The following KIF1B variants were observed in gnomAD, a reference collection of about 807,000 sequenced individuals.
The protein encoded by KIF1B is kinesin-like protein KIF1B.
Under a neutral mutation model 241.9 loss-of-function variants are expected in KIF1B, and 76 were observed. That is an observed-to-expected ratio of 0.31 (90% CI 0.26 to 0.38). The LOEUF (loss-of-function observed/expected upper bound fraction) is 0.38, where lower values mean the gene tolerates loss of function less well. Among genes scored for constraint, KIF1B ranks in the 10% least tolerant of loss-of-function variants. The probability of loss-of-function intolerance (pLI) is 1.00; values close to 1 mark genes in which losing one functional copy is unlikely to be tolerated. For synonymous variants in KIF1B, 750 were observed against 796.7 expected, an observed-to-expected ratio of 0.94 and a Z score of 0.99; for missense variants, 1,622 against 2,271.4, an observed-to-expected ratio of 0.71 and a Z score of 5.81.
Position 10,374,344 on chromosome 1 carries a change from A to G in KIF1B, c.4975A>G (p.Ser1659Gly). The stretch of plus-strand genomic sequence containing the variant: ...CCCAGAAGCCAATTCCCGGGCCTCT[A>G]GTCCCTGCCCAGAATTTGAACAGTT... Reference protein sequence around the residue: ...KTPEANSRASSPCPEFEQFQI... With the variant: ...KTPEANSRASGPCPEFEQFQI... The change falls in exon 46 of 49, where the codon AGT (serine) becomes GGT (glycine). Residue 1659 changes from serine (S) to glycine (G), a missense_variant. Physicochemically the swap from Ser to Gly is moderately conservative, Grantham distance 56. Transcript: ENST00000676179. The surrounding 1 kb of genome is among the most constrained non-coding windows in gnomAD (Gnocchi z 4.3). 1 of 1,614,148 alleles carries G rather than the reference A, an allele frequency of 6.2e-7. No individual in the cohort carries two copies. The highest frequency in any genetic ancestry group is 8.5e-7 in the Non-Finnish European group (1 of 1,179,984).
intron 11 of KIF1B, 78 bp downstream of exon 11, chr1:10,275,581 T>A: frequency 1.1e-6 from 1 of 874,812 alleles, no homozygotes; most frequent in Non-Finnish European, 2.0e-6. Flanking sequence ...TGTGTCTGTT[T>A]TGGAGACAAA....
intron 2 of KIF1B, among the ~76,000 whole-genome samples, chr1:10,254,862 GGGAGACTC>G (rs1647678756): frequency 7.1e-6 from 1 of 141,388 alleles, no homozygotes; most frequent in South Asian, 2.3e-4. Context: ...GGGCGACAGA[GGGAGACTC>G]TGTCTCAAAA....
Position 10,361,714 on chromosome 1 carries a change from C to G in KIF1B, c.4193C>G (p.Ala1398Gly), listed in dbSNP as rs1638428294. 1 of 1,614,052 alleles carries G rather than the reference C, an allele frequency of 6.2e-7. No individual in the cohort carries two copies. The highest frequency in any genetic ancestry group is 8.5e-7 in the Non-Finnish European group (1 of 1,180,032). The change falls in exon 40 of 49, where the codon GCT (alanine) becomes GGT (glycine). Residue 1398 changes from alanine (A) to glycine (G), a missense_variant. Coordinates refer to ENST00000676179, the MANE Select transcript of KIF1B (RefSeq NM_001365951.3). ...CAGCTGGATCATTGCATCCAGCCGG[C>G]TGTCATCACCAAGGATGTGTGCATG... ...YLELDHCIQP[A>G]VITKDVCMVF...
chr1:10,319,341 A>G (rs1651431687), intron 22 of KIF1B, among the ~76,000 whole-genome samples: 1 of 152,138 alleles, frequency 6.6e-6, no homozygotes, highest in Non-Finnish European at 1.5e-5. Context: ...ACCTCAGGTG[A>G]TCACCCACCT....
chr1:10,286,612 C>T (rs1375752282), intron 15 of KIF1B, among the ~76,000 whole-genome samples: 1 of 152,198 alleles, frequency 6.6e-6, no homozygotes, highest in East Asian at 1.9e-4. Context: ...AAGTGTTTTT[C>T]ATGGAAATAT....
intron 48 of KIF1B, 23 bp from the exon 49 acceptor site, chr1:10,376,522 A>AC (rs1638892804): frequency 6.2e-7 from 1 of 1,612,526 alleles, no homozygotes; most frequent in Non-Finnish European, 8.5e-7. Context: ...TTCTAATCCT[A>AC]CCTCCCCGTT....
At chr1:10,272,093 A>G (rs891881116) in intron 8 of KIF1B, 148 bp from the exon 9 acceptor site, 4 of 650,516 alleles carry the variant, frequency 6.1e-6, no homozygotes, top group African/African-American at 1.8e-5. Context: ...ATCAAGTGGA[A>G]AAGAGGACAG....
intron 15 of KIF1B, among the ~76,000 whole-genome samples, chr1:10,285,556 C>T (rs1022461935): frequency 3.9e-5 from 6 of 152,312 alleles, no homozygotes; most frequent in East Asian, 1.9e-4. Context: ...TTCTTCCTTA[C>T]GCCAAAATAA....
At chr1:10,375,479 G>A in intron 48 of KIF1B, 106 bp downstream of exon 48, 1 of 874,678 alleles carries the variant, frequency 1.1e-6, no homozygotes, top group Non-Finnish European at 1.9e-6. Context: ...CCGCCCCCTG[G>A]TTCAAGCGAT....
intron 47 of KIF1B, 47 bp downstream of exon 47, chr1:10,375,093 T>G: frequency 6.3e-7 from 1 of 1,586,200 alleles, no homozygotes; most frequent in Non-Finnish European, 8.7e-7. Context: ...TGTGCCCTTC[T>G]CTTTTGATTT....
intron 5 of KIF1B, among the ~76,000 whole-genome samples, chr1:10,262,692 C>A (rs1648217231): frequency 6.6e-6 from 1 of 152,052 alleles, no homozygotes; most frequent in African/African-American, 2.4e-5. Flanking sequence ...TTTTGAATTT[C>A]TTTGATTACT....
At chr1:10,306,886 C>A in intron 22 of KIF1B, 3 of 1,036,204 alleles carry the variant, frequency 2.9e-6, no homozygotes, top group Non-Finnish European at 3.5e-6. Flanking sequence ...TATTTTCATT[C>A]TTACAGTGGT....
Position 10,361,898 on chromosome 1 carries a change from T to A in KIF1B, c.4304+73T>A, listed in dbSNP as rs964157529. The A allele has an allele frequency of 2.6e-6, 4 of 1,546,538 alleles. No homozygotes were observed. In the African/African-American group the frequency reaches 5.4e-5, roughly 21 times the overall value. ...CAGAATCATTAGTCCTTAAGTATTC[T>A]CGGCTTACTGTCTCACGGTTAGTTT... On this transcript the variant is annotated intron_variant, in intron 40 of 48. Coordinates refer to ENST00000676179, the MANE Select transcript of KIF1B (RefSeq NM_001365951.3).
intron 22 of KIF1B, among the ~76,000 whole-genome samples, chr1:10,315,197 T>TTG: frequency 7.3e-6 from 1 of 136,170 alleles, no homozygotes; most frequent in South Asian, 2.4e-4. Context: ...TTTTTTTTTT[T>TTG]AAGACGGAGT....
Position 10,303,332 on chromosome 1 carries a change from A to G in KIF1B, c.2115+6086A>G, listed in dbSNP as rs1448501256. On this transcript the variant is annotated intron_variant, in intron 22 of 48. Transcript: ENST00000676179. This position sits in a 1 kb window ranked among gnomAD's most constrained non-coding sequence, Gnocchi z 5.2. ...AAACGTGAACCAATTAAAATGTATC[A>G]GATACCCCAAAGAAGGCGCTTGAGT... The G allele has an allele frequency of 1.9e-6, 3 of 1,614,112 alleles. No individual in the cohort carries two copies. In the African/African-American group the frequency reaches 4.0e-5, roughly 22 times the overall value.
intron 2 of KIF1B, among the ~76,000 whole-genome samples, chr1:10,250,627 C>G (rs757973697): frequency 2.0e-5 from 3 of 152,126 alleles, no homozygotes; most frequent in African/African-American, 7.2e-5. Flanking sequence ...GAGTCTCAGT[C>G]CAGCCTAGGC....
At chr1:10,357,090 C>G (rs954876123) in intron 38 of KIF1B, among the ~76,000 whole-genome samples, 1 of 152,074 alleles carries the variant, frequency 6.6e-6, no homozygotes, top group African/African-American at 2.4e-5. Context: ...ATATTGCCCA[C>G]GCTGGCCTCA....
chr1:10,237,965 C>T (rs1041793714), intron 2 of KIF1B, among the ~76,000 whole-genome samples: 2 of 151,756 alleles, frequency 1.3e-5, no homozygotes, highest in African/African-American at 4.8e-5. Context: ...GCCGTGATCA[C>T]GCCACTGCGC....
intron 2 of KIF1B, among the ~76,000 whole-genome samples, chr1:10,242,776 A>G (rs1190345624): frequency 1.3e-5 from 2 of 152,046 alleles, no homozygotes; most frequent in Non-Finnish European, 2.9e-5. Flanking sequence ...CAGCCTCCCA[A>G]AGTGCTGGGA....
Sources: gnomAD v4.1 joint callset for allele counts (sites outside exome capture counted in the v4.1 genomes callset) on GRCh38, gnomAD v4.1.1 for gene constraint, Gnocchi (gnomAD v3.1) non-coding constraint, MANE v1.5 for transcripts, NCBI Gene and HGNC (gene_info 2026-07-23, HGNC 2026-07-21) for gene names.